The following AKNA variants were observed in gnomAD, a reference collection of about 807,000 sequenced individuals.
AKNA encodes AT-hook transcription factor, also known as microtubule organization protein AKNA.
In AKNA, 67 loss-of-function variants were observed where a neutral mutation model predicts 138.8. That is an observed-to-expected ratio of 0.48 (90% CI 0.40 to 0.59). The LOEUF is 0.59. AKNA is among the 20% of genes least tolerant of loss of function. The pLI, the probability that AKNA is intolerant of heterozygous loss-of-function variation, is 0.00. For synonymous variants in AKNA, 737 were observed against 754.4 expected (o/e 0.98, Z 0.38); for missense variants, 1,813 against 1,880.4 (o/e 0.96, Z 0.66).
intron 19 of AKNA, 51 bp downstream of exon 19, chr9:114,343,657 G>A (rs754792132): frequency 2.5e-6 from 4 of 1,576,398 alleles, no homozygotes; most frequent in Non-Finnish European, 3.5e-6. Flanking sequence ...CTGAGGGCAA[G>A]AAGCTGCAGC....
In AKNA at chr9:114,341,997, A is replaced by T. The variant is rs150343826; in HGVS notation, c.3874+12T>A. The T allele has an allele frequency of 8.3e-5, 133 of 1,605,290 alleles. No homozygotes were observed. The highest frequency in any genetic ancestry group is 1.0e-4 in the Non-Finnish European group (121 of 1,171,998). ...GGGTCTGGCTAAGAGAAGAAACAGT[A>T]TTTGTCCCTACCAGAGGTGGCTGAG... On this transcript the variant is annotated intron_variant, in intron 20 of 21. Transcript: ENST00000374088.
chr9:114,378,139 C>T (rs1350775680), intron 2 of AKNA, among the ~76,000 whole-genome samples: 1 of 152,194 alleles, frequency 6.6e-6, no homozygotes, highest in Non-Finnish European at 1.5e-5. Flanking sequence ...CCATCTCTCT[C>T]CATGGCCCCT....
chr9:114,358,843 A>G (rs1182089570), intron 11 of AKNA, among the ~76,000 whole-genome samples: 2 of 123,706 alleles, frequency 1.6e-5, no homozygotes, highest in East Asian at 2.9e-4. Flanking sequence ...GGGTGGGGGG[A>G]GGGATAGCAT....
At position 114,376,881 on chromosome 9, in the gene AKNA, G is replaced by A. The variant is rs750666313; in HGVS notation, c.926C>T (p.Ser309Phe). ...QTKTSPKPLP[S>F]RFIGSISPLN... ...GGGGCTGATGGAGCCAATGAATCGG[G>A]AAGGGAGTGGCTTAGGTGACGTCTT... The change falls in exon 3 of 22, where the codon TCC becomes TTC. Residue 309 changes from serine (S) to phenylalanine (F), a missense_variant. By Grantham distance (155) the Ser-to-Phe change is radical. Transcript: ENST00000374088. The A allele has an allele frequency of 6.2e-7, 1 of 1,614,216 alleles. No individual in the cohort carries two copies. Among genetic ancestry groups the A allele is most frequent in the Non-Finnish European group, 8.5e-7 (1 of 1,180,014 alleles).
Position 114,361,853 on chromosome 9 carries a change from T to C in AKNA, c.1975A>G (p.Ile659Val), listed in dbSNP as rs758036540. Residue 659 changes from isoleucine (I) to valine (V), a missense_variant, in exon 9 of 22, where the codon ATA becomes GTA. By Grantham distance (29) the Ile-to-Val change is conservative. Coordinates refer to ENST00000374088, the MANE Select transcript of AKNA (RefSeq NM_001317950.2). ...TCAGGCTCTTGCTGGGTCTGGTCTATGTGTTCCTTCAGCTCTTCCAGGCAG... is the reference window on the plus strand; with the variant it reads ...TCAGGCTCTTGCTGGGTCTGGTCTACGTGTTCCTTCAGCTCTTCCAGGCAG... Reference protein sequence around the residue: ...GSCLEELKEHIDQTQQEPEPP... With the variant: ...GSCLEELKEHVDQTQQEPEPP... 6.2e-6 allele frequency: 10 copies of C among 1,611,178 alleles called. No homozygotes were observed. The Admixed American group carries it at 8.3e-5, about 13-fold the overall frequency.
chr9:114,331,936 G>A (rs569411411), downstream of AKNA: 8 of 1,612,410 alleles, frequency 5.0e-6, no homozygotes, highest in Middle Eastern at 1.6e-4. Flanking sequence ...AAAGGTAAAC[G>A]CAAGGGATTG....
chr9:114,384,155 G>A (rs10513243), intron 1 of AKNA, among the ~76,000 whole-genome samples: 3,879 of 152,268 alleles, frequency 0.025, 102 homozygotes, highest in Admixed American at 0.077. Context: ...TGGCCTAGTG[G>A]TACCCCAATA....
chr9:114,368,655 C>A lies in AKNA; in HGVS notation c.1417-60G>T, dbSNP rs147144783. The A allele has an allele frequency of 1.1e-5, 14 of 1,279,720 alleles. No homozygotes were observed. In the African/African-American group the frequency reaches 1.8e-4, roughly 17 times the overall value. 79.3% of individuals were successfully genotyped at this position (1,279,720 alleles called of 1,614,324 possible). ...AGGGTAGGGGCAAACCCACCTGAAACGCCTCATCTTCATTCAGGAGCTCAA... is the reference window on the plus strand; with the variant it reads ...AGGGTAGGGGCAAACCCACCTGAAAAGCCTCATCTTCATTCAGGAGCTCAA... On this transcript the variant is annotated intron_variant, in intron 4 of 21. Coordinates refer to ENST00000374088, the MANE Select transcript of AKNA (RefSeq NM_001317950.2).
chr9:114,331,907 T>C (rs1475933014), downstream of AKNA: 2 of 1,613,822 alleles, frequency 1.2e-6, no homozygotes, highest in South Asian at 2.2e-5. Context: ...AGGTCAGATG[T>C]CATGTACACC....
intron 14 of AKNA, among the ~76,000 whole-genome samples, chr9:114,352,718 C>T (rs1213041718): frequency 3.3e-5 from 5 of 151,602 alleles, no homozygotes; most frequent in Non-Finnish European, 7.4e-5. Context: ...GTCAGGAGTT[C>T]GAGACCAGCC....
At chr9:114,395,655 A>T (rs1042145012), upstream of AKNA, among the ~76,000 whole-genome samples, 1 of 150,132 alleles carries the variant, frequency 6.7e-6, no homozygotes, top group African/African-American at 2.5e-5. Flanking sequence ...TGGCTCTGCC[A>T]AAAAGCCCCC....
Position 114,346,805 on chromosome 9 carries a change from T to C in AKNA, c.3399-21A>G, listed in dbSNP as rs762955904. 1.1e-5 allele frequency: 17 copies of C among 1,600,658 alleles called. No individual in the cohort carries two copies. In the Admixed American group the frequency reaches 1.7e-4, roughly 16 times the overall value. ...ATTTACTAGCAAAAGGAAAGAGAGA[T>C]GATGTCATTGGATGAGGTTTTGTGT... On this transcript the variant is annotated intron_variant, in intron 16 of 21. Coordinates refer to ENST00000374088, the MANE Select transcript of AKNA (RefSeq NM_001317950.2).
rs726892 is a variant in AKNA at position 114,350,900 on chromosome 9, T to C, written c.3180A>G (p.Thr1060=). The change falls in exon 15 of 22, where the codon ACA becomes ACG. Residue 1060 remains threonine, a synonymous_variant. Coordinates refer to ENST00000374088, the MANE Select transcript of AKNA (RefSeq NM_001317950.2). ...PAAAPLPCGP[T]ETIPSFLLTR... is the part of the protein sequence containing the mutation. ...TGAGCAGGAAGCTGGGGATGGTCTC[T>C]GTTGGTCCACAGGGTAGAGGCGCAG... The C allele has an allele frequency of 1.4e-4, 232 of 1,603,182 alleles. 2 individuals carry two copies. The African/African-American group carries it at 2.5e-3, about 17-fold the overall frequency.
rs1330776807 is a variant in AKNA, at chr9:114,377,419, CGAG to C, written c.385_387del (p.Leu129del). 1 of 1,613,662 alleles carries C rather than the reference CGAG, an allele frequency of 6.2e-7. No individual in the cohort carries two copies. Among genetic ancestry groups the C allele is most frequent in the Non-Finnish European group, 8.5e-7 (1 of 1,179,998 alleles). ...CCAGCCTCCTCAACCTCCAGACTTCCGAGGGTCCCATCTGGCTCCTCTTCAGTC... is the reference window on the plus strand; with the variant it reads ...CCAGCCTCCTCAACCTCCAGACTTCCGGTCCCATCTGGCTCCTCTTCAGTC... On this transcript the variant is annotated inframe_deletion, in exon 3 of 22. Transcript: ENST00000374088.
At chr9:114,347,957 G>T in intron 15 of AKNA, 57 bp from the exon 16 acceptor site, 1 of 1,527,256 alleles carries the variant, frequency 6.5e-7, no homozygotes, top group Non-Finnish European at 8.8e-7. Flanking sequence ...CAGAGCTGCA[G>T]CCACCCGAGT....
intron 18 of AKNA, chr9:114,344,051 A>G (rs1384797341): frequency 1.2e-5 from 5 of 424,804 alleles, no homozygotes; most frequent in Non-Finnish European, 2.1e-5. Flanking sequence ...AGCTTTCTCC[A>G]GACTCCTATT....
intron 21 of AKNA, among the ~76,000 whole-genome samples, chr9:114,340,742 G>A (rs1588939328): frequency 6.6e-6 from 1 of 152,320 alleles, no homozygotes; most frequent in Middle Eastern, 3.4e-3. Context: ...TTCTGTCTCG[G>A]CTGCCCTGCC....
In AKNA at chr9:114,341,636, G is replaced by C. The variant is rs1418081389; in HGVS notation, c.3964C>G (p.Pro1322Ala). Residue 1322 changes from proline to alanine, a missense_variant, in exon 21 of 22, where the codon CCC (proline) becomes GCC (alanine). By Grantham distance (27) the Pro-to-Ala change is conservative. Transcript: ENST00000374088. ...GTTGCCAGATACCACAGTCCGGGGG[G>C]TGGGCGTGGCGACGACCCCGCCTGC... ...SKQAGSSPRP[P>A]PGLWYLATAP... The C allele has an allele frequency of 6.2e-7, 1 of 1,611,442 alleles. No homozygotes were observed. Among genetic ancestry groups the C allele is most frequent in the Non-Finnish European group, 8.5e-7 (1 of 1,179,226 alleles).
Position 114,335,809 on chromosome 9 carries a change from A to AG in AKNA, c.*1244_*1245insC, listed in dbSNP as rs1158230452. 1 of 152,114 alleles carries AG rather than the reference A, an allele frequency of 6.6e-6. No homozygotes were observed. 9.4% of individuals were successfully genotyped at this position (152,114 alleles called of 1,614,324 possible). On this transcript the variant is annotated 3_prime_UTR_variant, in exon 22 of 22. Transcript: ENST00000374088. ...AAAAAGAAAAAGAAAAAAGAAAAAA[A>AG]AAAGAAAGAAAGGAGCACTGGAGAG...
Sources: gnomAD v4.1 joint callset for allele counts (sites outside exome capture counted in the v4.1 genomes callset) on GRCh38, gnomAD v4.1.1 for gene constraint, MANE v1.5 for transcripts, NCBI Gene and HGNC (gene_info 2026-07-23, HGNC 2026-07-21) for gene names.